Variants in PTPRD observed in about 807,000 individuals in gnomAD.
PTPRD encodes protein tyrosine phosphatase receptor type D.
In PTPRD, 34 loss-of-function variants were observed where a neutral mutation model predicts 214.5. The ratio of observed to expected loss-of-function variants is 0.16; its 90% confidence interval spans 0.12 to 0.21. PTPRD has a LOEUF of 0.21. Among genes scored for constraint, PTPRD ranks in the 10% least tolerant of loss-of-function variants. The probability of loss-of-function intolerance (pLI) is 1.00; values close to 1 mark genes in which losing one functional copy is unlikely to be tolerated. For synonymous variants in PTPRD, 1,128 were observed against 845.7 expected (o/e 1.33, Z -5.79); for missense variants, 2,545 against 2,398.7 (o/e 1.06, Z -1.27).
intron 2 of PTPRD, among the ~76,000 whole-genome samples, chr9:10,587,140 C>T (rs960233244): frequency 6.6e-6 from 1 of 151,852 alleles, no homozygotes; most frequent in Admixed American, 6.6e-5. Context: ...ATGAAAAGAC[C>T]CATTGTGACA....
intron 5 of PTPRD, among the ~76,000 whole-genome samples, chr9:9,796,263 T>C (rs933401178): frequency 2.6e-5 from 4 of 152,150 alleles, no homozygotes; most frequent in Admixed American, 1.3e-4. Context: ...AACTTGCTAA[T>C]ACTTCTTAAT....
chr9:10,540,490 T>A (rs1338542731), intron 2 of PTPRD, among the ~76,000 whole-genome samples: 1 of 152,222 alleles, frequency 6.6e-6, no homozygotes, highest in South Asian at 2.1e-4. Flanking sequence ...CTTTTATTAC[T>A]CCTTTTCCCA....
chr9:8,688,395 T>C (rs2097730946), intron 12 of PTPRD, among the ~76,000 whole-genome samples: 1 of 151,842 alleles, frequency 6.6e-6, no homozygotes, highest in East Asian at 1.9e-4. Context: ...TGAAACCCCG[T>C]CTCTACTAAA....
At chr9:8,584,247 T>C (rs1057163050) in intron 14 of PTPRD, among the ~76,000 whole-genome samples, 2 of 152,092 alleles carry the variant, frequency 1.3e-5, no homozygotes, top group Non-Finnish European at 2.9e-5. Context: ...CCATACCCAA[T>C]CATAAAAAGC....
intron 7 of PTPRD, among the ~76,000 whole-genome samples, chr9:9,590,818 A>T (rs1392668401): frequency 6.6e-6 from 1 of 152,056 alleles, no homozygotes; most frequent in Non-Finnish European, 1.5e-5. Context: ...GCTTAATGAA[A>T]GTCCCTTAGA....
At chr9:9,687,107 GA>G (rs1039320268) in intron 7 of PTPRD, among the ~76,000 whole-genome samples, 16 of 151,766 alleles carry the variant, frequency 1.1e-4, no homozygotes, top group African/African-American at 3.9e-4. Flanking sequence ...TAACTCAGTA[GA>G]AGGTGAGGAG....
At chr9:10,562,726 T>G (rs769122383) in intron 2 of PTPRD, among the ~76,000 whole-genome samples, 1 of 152,090 alleles carries the variant, frequency 6.6e-6, no homozygotes, top group Non-Finnish European at 1.5e-5. Flanking sequence ...TCTACATGCA[T>G]AGAATAGTCC....
At chr9:9,033,839 T>C (rs1569478853) in intron 10 of PTPRD, among the ~76,000 whole-genome samples, 1 of 152,100 alleles carries the variant, frequency 6.6e-6, no homozygotes. Flanking sequence ...CTTGAGTCAA[T>C]TGTACCTGAT....
intron 14 of PTPRD, among the ~76,000 whole-genome samples, chr9:8,598,179 G>A (rs1385773628): frequency 6.6e-6 from 1 of 152,126 alleles, no homozygotes; most frequent in Non-Finnish European, 1.5e-5. Flanking sequence ...TCTACAATGA[G>A]ATTATTGTTC....
intron 8 of PTPRD, among the ~76,000 whole-genome samples, chr9:9,523,506 T>A (rs1326904166): frequency 6.6e-6 from 1 of 151,706 alleles, no homozygotes; most frequent in Non-Finnish European, 1.5e-5. Context: ...ACACAACATA[T>A]TTATCTAACT....
chr9:8,791,792 A>C (rs1363481546), intron 11 of PTPRD, among the ~76,000 whole-genome samples: 6 of 152,094 alleles, frequency 3.9e-5, no homozygotes, highest in Non-Finnish European at 4.4e-5. Flanking sequence ...TAATGGACGG[A>C]TACTAGACAG....
chr9:10,449,085 G>GCCGCTCCCTCGTCT (rs1304017575), intron 2 of PTPRD, among the ~76,000 whole-genome samples: 2 of 152,034 alleles, frequency 1.3e-5, no homozygotes, highest in African/African-American at 4.8e-5. Flanking sequence ...TCCCTCTGAT[G>GCCGCTCCCTCGTCT]CCCAGCCGAG....
At chr9:8,331,139 T>C (rs970616324) in intron 44 of PTPRD, among the ~76,000 whole-genome samples, 13 of 152,090 alleles carry the variant, frequency 8.5e-5, no homozygotes, top group African/African-American at 2.4e-4. Context: ...TGAGGTACCA[T>C]ACTAAGCACT....
intron 11 of PTPRD, among the ~76,000 whole-genome samples, chr9:8,796,067 T>C (rs1013796200): frequency 1.1e-4 from 17 of 152,208 alleles, no homozygotes; most frequent in Non-Finnish European, 2.9e-5. Flanking sequence ...CAAAAACGTA[T>C]GAAGTTAAGC....
At chr9:10,388,021 G>C (rs1294159147) in intron 2 of PTPRD, among the ~76,000 whole-genome samples, 7 of 151,006 alleles carry the variant, frequency 4.6e-5, no homozygotes, top group African/African-American at 1.5e-4. Flanking sequence ...GAGTACACTG[G>C]GAACTTCACT....
At chr9:8,734,493 G>A (rs184857523) in intron 11 of PTPRD, among the ~76,000 whole-genome samples, 62 of 152,314 alleles carry the variant, frequency 4.1e-4, no homozygotes, top group African/African-American at 1.3e-3. Flanking sequence ...CTTCTTCCCT[G>A]AAGACACATC....
chr9:10,555,690 A>C (rs2062403400), intron 2 of PTPRD, among the ~76,000 whole-genome samples: 1 of 152,202 alleles, frequency 6.6e-6, no homozygotes, highest in African/African-American at 2.4e-5. Context: ...ATATGCCCTG[A>C]AATTTGGAAT....
At chr9:8,680,250 C>A (rs2097525726) in intron 12 of PTPRD, among the ~76,000 whole-genome samples, 1 of 152,050 alleles carries the variant, frequency 6.6e-6, no homozygotes, top group Non-Finnish European at 1.5e-5. Flanking sequence ...CACTGGAAAA[C>A]CAATGTTGAA....
chr9:9,151,376 C>A (rs1381413356), intron 10 of PTPRD, among the ~76,000 whole-genome samples: 1 of 152,198 alleles, frequency 6.6e-6, no homozygotes, highest in Non-Finnish European at 1.5e-5. Context: ...ATCACATAAT[C>A]AGACACAGAG....
Sources: gnomAD v4.1 joint callset for allele counts (sites outside exome capture counted in the v4.1 genomes callset) on GRCh38, gnomAD v4.1.1 for gene constraint, MANE v1.5 for transcripts, NCBI Gene and HGNC (gene_info 2026-07-23, HGNC 2026-07-21) for gene names.